Variants in ZZZ3 observed in about 807,000 individuals in gnomAD.
ZZZ3 encodes the protein zinc finger ZZ-type containing 3.
A neutral mutation model predicts 95.2 loss-of-function variants in ZZZ3; 22 were observed. That is an observed-to-expected ratio of 0.23 (90% CI 0.17 to 0.33). ZZZ3 has a LOEUF of 0.33. Ranked by LOEUF, ZZZ3 falls within the 10% of genes least tolerant of loss-of-function variation. The pLI, the probability that ZZZ3 is intolerant of heterozygous loss-of-function variation, is 1.00. For synonymous variants in ZZZ3, 335 were observed against 358.9 expected (o/e 0.93, Z 0.75); for missense variants, 885 against 1,066.5 (o/e 0.83, Z 2.37).
chr1:77,623,839 A>G (rs1405309184), intron 5 of ZZZ3, among the ~76,000 whole-genome samples: 2 of 152,212 alleles, frequency 1.3e-5, no homozygotes, highest in African/African-American at 4.8e-5. Context: ...TGTTAAAATC[A>G]GAGAATAAAG....
At chr1:77,593,798 A>C (rs753130568) in intron 5 of ZZZ3, among the ~76,000 whole-genome samples, 4 of 152,172 alleles carry the variant, frequency 2.6e-5, no homozygotes, top group Non-Finnish European at 5.9e-5. Context: ...CAAAGAGATC[A>C]CCTGCACTCT....
At chr1:77,628,931 C>T (rs923010306) in intron 5 of ZZZ3, among the ~76,000 whole-genome samples, 5 of 152,160 alleles carry the variant, frequency 3.3e-5, no homozygotes, top group African/African-American at 9.7e-5. Context: ...AGAGAAGTAA[C>T]ATTTGACAAG....
intron 5 of ZZZ3, among the ~76,000 whole-genome samples, chr1:77,595,948 A>G (rs535261618): frequency 2.7e-3 from 408 of 152,176 alleles, no homozygotes; most frequent in Non-Finnish European, 4.4e-3. Flanking sequence ...TAGAAAAGAG[A>G]ACAGACCTAT....
Position 77,633,248 on chromosome 1 carries a change from G to T in ZZZ3, c.107C>A (p.Pro36His), listed in dbSNP as rs1667982901. 1 of 1,614,098 alleles carries T rather than the reference G, an allele frequency of 6.2e-7. No individual in the cohort carries two copies. Residue 36 changes from proline to histidine, a missense_variant, in exon 5 of 15, where the codon CCT (proline) becomes CAT (histidine). Pro to His is a moderately conservative substitution (Grantham distance 77). Transcript: ENST00000370801. Reference sequence around the variant, plus strand: ...TTGAGAATTAGAAGAGATTTCTTCAGGATGCGCAATGCTACGATTCCTTAA... The same window carrying T: ...TTGAGAATTAGAAGAGATTTCTTCATGATGCGCAATGCTACGATTCCTTAA... ...RTLRNRSIAH[P>H]EEISSNSQVR...
chr1:77,576,209 G>A lies in ZZZ3; in HGVS notation c.2190C>T (p.Ser730=). 6.3e-7 allele frequency: 1 copy of A among 1,593,762 alleles called. No homozygotes were observed. Among genetic ancestry groups the A allele is most frequent in the South Asian group, 1.2e-5 (1 of 86,586 alleles). Reference sequence around the variant, plus strand: ...GCTTATTAAGAGGGTGCTGTCGTCTGCTTGTTGAAGACTAAGTAAGAAAAC... The same window carrying A: ...GCTTATTAAGAGGGTGCTGTCGTCTACTTGTTGAAGACTAAGTAAGAAAAC... ...LYIYSKKSST[S]RRQHPLNKHL... is the part of the protein sequence containing the mutation. Residue 730 remains serine (S), a synonymous_variant, in exon 12 of 15, where the codon AGC becomes AGT. Coordinates refer to ENST00000370801, the MANE Select transcript of ZZZ3 (RefSeq NM_015534.6).
chr1:77,659,592 AG>A (rs1282414020), intron 1 of ZZZ3, among the ~76,000 whole-genome samples: 2 of 151,718 alleles, frequency 1.3e-5, no homozygotes, highest in Non-Finnish European at 2.9e-5. Context: ...CTGAAGCAGG[AG>A]AATCACTTGA....
intron 8 of ZZZ3, among the ~76,000 whole-genome samples, 192 bp downstream of exon 8, chr1:77,581,584 C>A (rs964014546): frequency 6.6e-6 from 1 of 152,210 alleles, no homozygotes; most frequent in Non-Finnish European, 1.5e-5. Flanking sequence ...GAGACTTCAA[C>A]GTAAATGATG....
intron 5 of ZZZ3, among the ~76,000 whole-genome samples, chr1:77,600,177 G>C (rs192944176): frequency 2.6e-4 from 39 of 151,908 alleles, no homozygotes; most frequent in Admixed American, 2.4e-3. Flanking sequence ...TCCTTGTTTT[G>C]TTTATTTGGC....
At chr1:77,660,762 CTAT>C (rs1206315664) in intron 1 of ZZZ3, among the ~76,000 whole-genome samples, 30 of 152,112 alleles carry the variant, frequency 2.0e-4, no homozygotes, top group Admixed American at 6.6e-5. Context: ...TACTTCTATC[CTAT>C]TATTTTAGGC....
Position 77,584,603 on chromosome 1 carries a change from C to T in ZZZ3, c.1558G>A (p.Ala520Thr). 6.2e-7 allele frequency: 1 copy of T among 1,612,012 alleles called. No individual in the cohort carries two copies. Among genetic ancestry groups the T allele is most frequent in the South Asian group, 1.1e-5 (1 of 90,642 alleles). ...IAVLEAQRSQ[A>T]VQDLESLGRH... ...CCTAAACTTTCAAGGTCTTGGACTGCTTGAGAACGCTGAGCCTCGAGTACA... is the reference window on the plus strand; with the variant it reads ...CCTAAACTTTCAAGGTCTTGGACTGTTTGAGAACGCTGAGCCTCGAGTACA... The change falls in exon 6 of 15, where the codon GCA (alanine) becomes ACA (threonine). Residue 520 changes from alanine to threonine, a missense_variant. Physicochemically the swap from Ala to Thr is moderately conservative, Grantham distance 58. Around this residue, in one of 5 missense-constraint regions of ZZZ3, gnomAD observed 556 missense variants for 652.9 expected, o/e 0.85. Coordinates refer to ENST00000370801, the MANE Select transcript of ZZZ3 (RefSeq NM_015534.6).
In ZZZ3 at chr1:77,568,411, A is replaced by G. The variant is rs1254679364; in HGVS notation, c.2387T>C (p.Leu796Ser). 3 of 1,548,222 alleles carry G rather than the reference A, an allele frequency of 1.9e-6. No homozygotes were observed. Among genetic ancestry groups the G allele is most frequent in the African/African-American group, 2.8e-5 (2 of 72,468 alleles). Reference sequence around the variant, plus strand: ...CTGCTTCTTTAACTTTTTAAACTGTAATAGTTCTTTATATTCAGGTAAATT... The same window carrying G: ...CTGCTTCTTTAACTTTTTAAACTGTGATAGTTCTTTATATTCAGGTAAATT... Reference protein sequence around the residue: ...YRNLPEYKELLQFKKLKKQKL... With the variant: ...YRNLPEYKELSQFKKLKKQKL... Residue 796 changes from leucine to serine, a missense_variant, in exon 13 of 15, where the codon TTA becomes TCA. Around this residue, in one of 5 missense-constraint regions of ZZZ3, gnomAD observed 221 missense variants for 247.8 expected, o/e 0.89. Coordinates refer to ENST00000370801, the MANE Select transcript of ZZZ3 (RefSeq NM_015534.6).
chr1:77,579,614 C>T lies in ZZZ3; in HGVS notation c.1995G>A (p.Gln665=), dbSNP rs761988780. ...CTTCAGGAGGGTATTTGATGAGTAG[C>T]TGTTCCAGCTTTTTCTAAGCCATAC... ...WTVEEQKKLE[Q]LLIKYPPEEV... is the part of the protein sequence containing the mutation. Residue 665 remains glutamine, a synonymous_variant, in exon 10 of 15, where the codon CAG becomes CAA. Coordinates refer to ENST00000370801, the MANE Select transcript of ZZZ3 (RefSeq NM_015534.6). 3 of 1,576,198 alleles carry T rather than the reference C, an allele frequency of 1.9e-6. No homozygotes were observed. Among genetic ancestry groups the T allele is most frequent in the Admixed American group, 3.9e-5 (2 of 51,890 alleles).
chr1:77,630,970 G>A (rs770532717), intron 5 of ZZZ3, among the ~76,000 whole-genome samples: 6 of 152,108 alleles, frequency 3.9e-5, no homozygotes, highest in Non-Finnish European at 8.8e-5. Flanking sequence ...TAGCAATAAA[G>A]GTAATTAACT....
chr1:77,590,371 G>A (rs979478890), intron 5 of ZZZ3, among the ~76,000 whole-genome samples: 2 of 152,104 alleles, frequency 1.3e-5, no homozygotes, highest in East Asian at 1.9e-4. Flanking sequence ...GCAAGACTCC[G>A]TCTCAAAAAA....
At chr1:77,613,631 T>C (rs1481961889) in intron 5 of ZZZ3, among the ~76,000 whole-genome samples, 1 of 152,046 alleles carries the variant, frequency 6.6e-6, no homozygotes, top group African/African-American at 2.4e-5. Flanking sequence ...GAGACTTTTT[T>C]AAAGGAGGAA....
At chr1:77,604,254 T>TA (rs1173250325) in intron 5 of ZZZ3, among the ~76,000 whole-genome samples, 8 of 152,244 alleles carry the variant, frequency 5.3e-5, no homozygotes, top group Non-Finnish European at 5.9e-5. Context: ...AAGGCAGGGC[T>TA]AGGCATTCAT....
intron 8 of ZZZ3, 76 bp from the exon 9 acceptor site, chr1:77,581,145 A>C: frequency 3.5e-6 from 4 of 1,127,224 alleles, no homozygotes; most frequent in Non-Finnish European, 3.9e-6. Context: ...TAACACGCAA[A>C]TTGTGGAATT....
In ZZZ3 at chr1:77,597,515, C is replaced by T. The variant is rs561437738; in HGVS notation, c.1506-12860G>A. Among the ~76,000 whole-genome samples, 129 of 152,114 alleles carry T rather than the reference C, an allele frequency of 8.5e-4. 1 individual carries two copies. The highest frequency in any genetic ancestry group is 3.0e-3 in the African/African-American group (126 of 41,512). On this transcript the variant is annotated intron_variant, in intron 5 of 14. Transcript: ENST00000370801. ...AGTGGAGAAACCTGACCAACACTAC[C>T]CTCAGCTGGGTGATTAAAGTCACAT...
upstream of ZZZ3, among the ~76,000 whole-genome samples, chr1:77,683,096 TCGCAGCC>T (rs1672957021): frequency 7.9e-4 from 4 of 5,078 alleles, no homozygotes; most frequent in Non-Finnish European, 1.4e-3. Context: ...GGCTTCGCCG[TCGCAGCC>T]GTCGCAGCCG....
Sources: gnomAD v4.1 joint callset for allele counts (sites outside exome capture counted in the v4.1 genomes callset) on GRCh38, gnomAD v4.1.1 for gene constraint, gnomAD v4.1.1 regional missense constraint, MANE v1.5 for transcripts, NCBI Gene and HGNC (gene_info 2026-07-23, HGNC 2026-07-21) for gene names.